The following PRDM16 variants were observed in gnomAD, a reference collection of about 807,000 sequenced individuals.
PRDM16 encodes the protein histone-lysine N-methyltransferase PRDM16.
PRDM16 carries 23 observed loss-of-function variants against 110.6 expected under a neutral mutation model. The ratio of observed to expected loss-of-function variants is 0.21; its 90% CI spans 0.15 to 0.29. The LOEUF (loss-of-function observed/expected upper bound fraction) is 0.29. PRDM16 is among the 10% of genes least tolerant of loss of function. The probability of loss-of-function intolerance (pLI) is 1.00; values close to 1 mark genes in which losing one functional copy is unlikely to be tolerated. For synonymous variants in PRDM16, 799 were observed against 781.8 expected, an observed-to-expected ratio of 1.02 and a Z score of -0.37; for missense variants, 1,615 against 1,794.3, an observed-to-expected ratio of 0.90 and a Z score of 1.81.
At chr1:3,119,227 G>A (rs775120605) in intron 1 of PRDM16, among the ~76,000 whole-genome samples, 1 of 152,236 alleles carries the variant, frequency 6.6e-6, no homozygotes, top group South Asian at 2.1e-4. Context: ...CCACCCCGGC[G>A]GCCACAGTGG....
At chr1:3,292,568 C>T (rs886573984) in intron 3 of PRDM16, among the ~76,000 whole-genome samples, 12 of 152,144 alleles carry the variant, frequency 7.9e-5, no homozygotes, top group East Asian at 3.9e-4. Context: ...CCGCGCTGTC[C>T]GGATGAGAGT....
At chr1:3,185,516 A>T (rs1644257151) in intron 1 of PRDM16, among the ~76,000 whole-genome samples, 1 of 152,108 alleles carries the variant, frequency 6.6e-6, no homozygotes, top group Non-Finnish European at 1.5e-5. Flanking sequence ...GCCCAAGTGC[A>T]GGGATGTCCA....
At chr1:3,220,770 A>C (rs1639133508) in intron 2 of PRDM16, among the ~76,000 whole-genome samples, 3 of 152,150 alleles carry the variant, frequency 2.0e-5, no homozygotes, top group African/African-American at 4.8e-5. Flanking sequence ...CCCAGGGTGC[A>C]GGGCTCGTGC....
At chr1:3,085,112 C>T (rs1642120264) in intron 1 of PRDM16, among the ~76,000 whole-genome samples, 1 of 152,214 alleles carries the variant, frequency 6.6e-6, no homozygotes, top group South Asian at 2.1e-4. Flanking sequence ...CTTCTCACTG[C>T]CCCAGGCTGG....
intron 5 of PRDM16, among the ~76,000 whole-genome samples, chr1:3,400,543 C>G (rs963096388): frequency 6.6e-6 from 1 of 152,180 alleles, no homozygotes; most frequent in Non-Finnish European, 1.5e-5. Context: ...TTGGTTTGTT[C>G]AGTGAGTGAA....
At chr1:3,149,134 G>A (rs548999222) in intron 1 of PRDM16, among the ~76,000 whole-genome samples, 2 of 152,326 alleles carry the variant, frequency 1.3e-5, no homozygotes, top group Non-Finnish European at 2.9e-5. Context: ...ACAGGGGTAC[G>A]AGAGTCACAG....
chr1:3,158,191 T>G (rs547526691), intron 1 of PRDM16, among the ~76,000 whole-genome samples: 156 of 152,278 alleles, frequency 1.0e-3, no homozygotes, highest in Non-Finnish European at 5.7e-4. Context: ...GGGATAGTGA[T>G]CCTCTCTCAT....
chr1:3,262,763 G>A (rs1178324300), intron 3 of PRDM16, among the ~76,000 whole-genome samples: 2 of 152,222 alleles, frequency 1.3e-5, no homozygotes, highest in African/African-American at 2.4e-5. Context: ...GAGGGTGTGC[G>A]AGCATGGGGT....
At chr1:3,328,113 G>A (rs570005557) in intron 3 of PRDM16, among the ~76,000 whole-genome samples, 23 of 152,224 alleles carry the variant, frequency 1.5e-4, no homozygotes, top group Non-Finnish European at 1.0e-4. Context: ...TCCCAGAGGC[G>A]AGGCCCCTGC....
chr1:3,431,234 C>G (rs1638759648), intron 15 of PRDM16, 126 bp downstream of exon 15: 2 of 1,415,568 alleles, frequency 1.4e-6, no homozygotes, highest in Non-Finnish European at 1.9e-6. Context: ...AGCACAGCCA[C>G]CTCAGGGCCT....
chr1:3,236,902 C>T (rs1639552606), intron 2 of PRDM16, among the ~76,000 whole-genome samples: 1 of 152,188 alleles, frequency 6.6e-6, no homozygotes, highest in African/African-American at 2.4e-5. Context: ...TGGCCCTTGG[C>T]CCTCCACCTC....
intron 3 of PRDM16, among the ~76,000 whole-genome samples, chr1:3,342,465 T>C (rs6686156): frequency 0.069 from 10,470 of 152,220 alleles, 476 homozygotes; most frequent in East Asian, 0.12. Flanking sequence ...GAATAGGAAG[T>C]GACAGAGGTG....
At chr1:3,323,752 A>G (rs1327496148) in intron 3 of PRDM16, among the ~76,000 whole-genome samples, 1 of 152,240 alleles carries the variant, frequency 6.6e-6, no homozygotes, top group African/African-American at 2.4e-5. Context: ...CTCACATCCC[A>G]GAACCTCATA....
At chr1:3,112,100 T>C (rs1054467528) in intron 1 of PRDM16, among the ~76,000 whole-genome samples, 1 of 152,144 alleles carries the variant, frequency 6.6e-6, no homozygotes, top group African/African-American at 2.4e-5. Context: ...CCATCCACGC[T>C]CACTAACTTG....
chr1:3,103,185 C>G (rs535632449), intron 1 of PRDM16, among the ~76,000 whole-genome samples: 1 of 152,196 alleles, frequency 6.6e-6, no homozygotes, highest in Non-Finnish European at 1.5e-5. Flanking sequence ...CCAAGTACCT[C>G]GGACCACAGA....
intron 9 of PRDM16, among the ~76,000 whole-genome samples, chr1:3,414,293 G>A (rs1036183351): frequency 6.6e-5 from 10 of 152,188 alleles, no homozygotes; most frequent in Admixed American, 5.9e-4. Context: ...AGGCATGGGA[G>A]GTGTGAGGGA....
chr1:3,431,251 A>G (rs999930516), intron 15 of PRDM16, 143 bp downstream of exon 15: 55 of 1,362,596 alleles, frequency 4.0e-5, no homozygotes, highest in Non-Finnish European at 4.9e-5. Context: ...GCCTCCACAC[A>G]CAGGCCAGGG....
chr1:3,364,413 G>A (rs959616963), intron 3 of PRDM16, among the ~76,000 whole-genome samples: 1 of 152,200 alleles, frequency 6.6e-6, no homozygotes, highest in Non-Finnish European at 1.5e-5. Context: ...AGGAGCCACA[G>A]CCTCTTGAAG....
chr1:3,118,864 G>A (rs186504293), intron 1 of PRDM16, among the ~76,000 whole-genome samples: 1 of 152,368 alleles, frequency 6.6e-6, no homozygotes, highest in Admixed American at 6.5e-5. Context: ...AGGGCCCGAG[G>A]CACCTCTGTG....
Sources: gnomAD v4.1 joint callset for allele counts (sites outside exome capture counted in the v4.1 genomes callset) on GRCh38, gnomAD v4.1.1 for gene constraint, MANE v1.5 for transcripts, NCBI Gene and HGNC (gene_info 2026-07-23, HGNC 2026-07-21) for gene names.